The following OPRM1 variants were observed in gnomAD, a reference collection of about 807,000 sequenced individuals.
OPRM1 encodes the protein mu-type opioid receptor.
In OPRM1, 27 loss-of-function variants were observed where a neutral mutation model predicts 31.8. The observed-to-expected ratio is 0.85, with a 90% CI of 0.63 to 1.17. The LOEUF (loss-of-function observed/expected upper bound fraction) is 1.17, where lower values mean the gene tolerates loss of function less well. OPRM1 is among the 50% of genes most tolerant of loss of function. The pLI is 0.00. For synonymous variants in OPRM1, 196 were observed against 189.9 expected (o/e 1.03, Z -0.26); for missense variants, 536 against 511.1 (o/e 1.05, Z -0.47).
intron 3 of OPRM1, among the ~76,000 whole-genome samples, chr6:154,179,915 G>A (rs1326465575): frequency 2.0e-5 from 3 of 152,080 alleles, no homozygotes; most frequent in Non-Finnish European, 4.4e-5. Context: ...GGATTGTGCC[G>A]AGATTGTAAA....
intron 3 of OPRM1, among the ~76,000 whole-genome samples, chr6:154,202,856 G>T (rs1357272608): frequency 2.0e-5 from 3 of 151,954 alleles, no homozygotes; most frequent in Admixed American, 1.3e-4. Context: ...AAAGAAGAAT[G>T]AAGGGAAAAA....
chr6:154,066,625 G>T (rs1266484311), intron 1 of OPRM1, among the ~76,000 whole-genome samples: 1 of 152,024 alleles, frequency 6.6e-6, no homozygotes, highest in African/African-American at 2.4e-5. Context: ...CAATGATGGG[G>T]TACTAATGAG....
At chr6:154,077,260 C>A (rs924228379) in intron 1 of OPRM1, among the ~76,000 whole-genome samples, 1 of 151,832 alleles carries the variant, frequency 6.6e-6, no homozygotes, top group African/African-American at 2.4e-5. Context: ...TATATCAAAT[C>A]ATAAGGGGGT....
chr6:154,143,915 C>T (rs1433453362), intron 3 of OPRM1, among the ~76,000 whole-genome samples: 2 of 152,134 alleles, frequency 1.3e-5, no homozygotes, highest in Non-Finnish European at 2.9e-5. Flanking sequence ...ATTGACAACC[C>T]TCTAGCAAGA....
chr6:154,091,704 C>T (rs1792280880), intron 3 of OPRM1: 2 of 1,281,506 alleles, frequency 1.6e-6, no homozygotes, highest in African/African-American at 1.5e-5. Context: ...ATCCATGAAA[C>T]TATTCAAAAT....
At chr6:154,084,090 T>C (rs1040198167) in intron 1 of OPRM1, among the ~76,000 whole-genome samples, 1 of 152,152 alleles carries the variant, frequency 6.6e-6, no homozygotes, top group Non-Finnish European at 1.5e-5. Flanking sequence ...TCTTCTCTTT[T>C]TGAGGTAAAC....
intron 3 of OPRM1, among the ~76,000 whole-genome samples, chr6:154,113,864 A>G (rs1046427363): frequency 3.3e-5 from 5 of 152,182 alleles, no homozygotes; most frequent in African/African-American, 1.2e-4. Context: ...AGAGACAAAA[A>G]GATCATTCAT....
chr6:154,012,658 G>T (rs1018956857), intron 1 of OPRM1, among the ~76,000 whole-genome samples: 1 of 151,814 alleles, frequency 6.6e-6, no homozygotes, highest in African/African-American at 2.4e-5. Context: ...AGTTAAAATA[G>T]GGTCTATGAC....
downstream of OPRM1, among the ~76,000 whole-genome samples, chr6:154,136,612 G>A (rs1798067169): frequency 1.3e-5 from 2 of 152,134 alleles, no homozygotes. Flanking sequence ...TGGTTCCTGG[G>A]CCCTCTTCCT....
At chr6:154,202,261 A>T (rs759923155) in intron 3 of OPRM1, among the ~76,000 whole-genome samples, 5 of 152,226 alleles carry the variant, frequency 3.3e-5, no homozygotes, top group Admixed American at 1.3e-4. Context: ...AAAAAAATCC[A>T]TTCAGGAATA....
chr6:154,021,917 AT>A lies in OPRM1; in HGVS notation c.-1+10906del, dbSNP rs576293253. On this transcript the variant is annotated intron_variant, in intron 1 of 5. Coordinates refer to the OPRM1 transcript ENST00000434900. Reference sequence around the variant, plus strand: ...GTCATCTGCAAACAAAGGCAGTTCTATTTTTTTCTTCTTCTTCCCAATCTGT... The same window carrying A: ...GTCATCTGCAAACAAAGGCAGTTCTATTTTTTCTTCTTCTTCCCAATCTGT... 2.8e-3 allele frequency among the ~76,000 whole-genome samples: 424 copies of A among 151,498 alleles called. 1 individual carries two copies. Among genetic ancestry groups the A allele is most frequent in the Middle Eastern group, 0.014 (4 of 294 alleles).
intron 1 of OPRM1, among the ~76,000 whole-genome samples, chr6:154,019,747 C>CTTTTCTTTTTTTTTTTT (rs61209522): frequency 1.1e-4 from 13 of 122,016 alleles, no homozygotes; most frequent in South Asian, 5.3e-4. Flanking sequence ...CTTTTCTTTT[C>CTTTTCTTTTTTTTTTTT]TTTTTTTTTT....
At chr6:154,048,834 A>G (rs910423503) in intron 1 of OPRM1, among the ~76,000 whole-genome samples, 5 of 152,228 alleles carry the variant, frequency 3.3e-5, no homozygotes, top group Admixed American at 3.3e-4. Flanking sequence ...AAAAGGGAAT[A>G]TATGGTTACT....
At chr6:154,165,648 G>T (rs762938845) in intron 3 of OPRM1, among the ~76,000 whole-genome samples, 3 of 152,180 alleles carry the variant, frequency 2.0e-5, no homozygotes, top group South Asian at 2.1e-4. Context: ...CCCTGAGCGG[G>T]CCCCCAATCT....
chr6:154,130,456 C>G lies in OPRM1; in HGVS notation c.*11735C>G, dbSNP rs1487666676. 1.3e-5 allele frequency among the ~76,000 whole-genome samples: 2 copies of G among 152,086 alleles called. No homozygotes were observed. The highest frequency in any genetic ancestry group is 4.8e-5 in the African/African-American group (2 of 41,412). On this transcript the variant is annotated 3_prime_UTR_variant, in exon 4 of 4. Transcript: ENST00000330432. ...GTGTTGGGATTACAGGTGTGAGCCA[C>G]TGCGCCTGGCCAGAAATGTTTAAAA...
intron 1 of OPRM1, among the ~76,000 whole-genome samples, chr6:154,043,860 A>G (rs923124997): frequency 3.9e-5 from 6 of 152,116 alleles, no homozygotes; most frequent in Admixed American, 2.0e-4. Flanking sequence ...GCTATTTTCC[A>G]TATAGAAACT....
chr6:154,024,668 G>T, intron 1 of OPRM1, among the ~76,000 whole-genome samples: 1 of 148,966 alleles, frequency 6.7e-6, no homozygotes. Context: ...TTTAATGTAG[G>T]CACTTAATAG....
intron 1 of OPRM1, among the ~76,000 whole-genome samples, chr6:154,056,728 T>C (rs1348963153): frequency 6.6e-6 from 1 of 151,974 alleles, no homozygotes; most frequent in East Asian, 1.9e-4. Flanking sequence ...TCAGTGCCAG[T>C]GAGAGGTTGA....
chr6:154,198,301 AC>A (rs1188464806), intron 3 of OPRM1, among the ~76,000 whole-genome samples: 2 of 152,034 alleles, frequency 1.3e-5, no homozygotes, highest in Admixed American at 6.6e-5. Context: ...CAACTCACAA[AC>A]CTGAGGGCGG....
Sources: gnomAD v4.1 joint callset for allele counts (sites outside exome capture counted in the v4.1 genomes callset) on GRCh38, gnomAD v4.1.1 for gene constraint, MANE v1.5 for transcripts, NCBI Gene and HGNC (gene_info 2026-07-23, HGNC 2026-07-21) for gene names.